NOX4: variants seen among roughly 807,000 people sequenced by gnomAD.
NOX4 encodes the protein NADPH oxidase 4, also known as kidney oxidase-1.
In NOX4, 69 loss-of-function variants were observed where a neutral mutation model predicts 87.6. That is an observed-to-expected ratio of 0.79 (90% CI 0.65 to 0.96). The LOEUF (loss-of-function observed/expected upper bound fraction) is 0.96, where lower values mean the gene tolerates loss of function less well. Among genes scored for constraint, NOX4 ranks in the 40% least tolerant of loss-of-function variants. The probability of loss-of-function intolerance (pLI) is 0.00; values close to 1 mark genes in which losing one functional copy is unlikely to be tolerated. For synonymous variants in NOX4, 275 were observed against 238.2 expected, an observed-to-expected ratio of 1.15 and a Z score of -1.42; for missense variants, 680 against 681.5, an observed-to-expected ratio of 1.00 and a Z score of 0.02.
At chr11:89,493,902 G>C (rs1410805828), upstream of NOX4, among the ~76,000 whole-genome samples, 2 of 152,024 alleles carry the variant, frequency 1.3e-5, no homozygotes, top group African/African-American at 4.8e-5. Context: ...TCACAGGCAT[G>C]TGCCAACCCG....
At chr11:89,398,780 A>G (rs571748911) in intron 11 of NOX4, among the ~76,000 whole-genome samples, 1 of 152,068 alleles carries the variant, frequency 6.6e-6, no homozygotes, top group South Asian at 2.1e-4. Context: ...AAAATGAATA[A>G]AGTCCAAATA....
chr11:89,498,533 C>T (rs967593948), upstream of NOX4, among the ~76,000 whole-genome samples: 10 of 152,082 alleles, frequency 6.6e-5, no homozygotes, highest in Non-Finnish European at 1.2e-4. Flanking sequence ...AATTCACATA[C>T]GAATGAAAAT....
At chr11:89,500,229 T>A (rs970165652), upstream of NOX4, among the ~76,000 whole-genome samples, 3 of 152,156 alleles carry the variant, frequency 2.0e-5, no homozygotes, top group Admixed American at 1.3e-4. Context: ...TGTACCTTAT[T>A]CCTTTTTACC....
At chr11:89,403,135 G>T (rs1303727038) in intron 8 of NOX4, among the ~76,000 whole-genome samples, 3 of 152,072 alleles carry the variant, frequency 2.0e-5, no homozygotes, top group African/African-American at 4.8e-5. Flanking sequence ...CACATAAAAA[G>T]TTCAAAATAA....
chr11:89,566,133 A>T, the NOX4 span, among the ~76,000 whole-genome samples: 11,173 of 148,324 alleles, frequency 0.075, 574 homozygotes, highest in Non-Finnish European at 0.11. Flanking sequence ...AGCTCTGCCT[A>T]CCGGGTTCAC....
the NOX4 span, among the ~76,000 whole-genome samples, chr11:89,527,847 G>A: frequency 1.3e-5 from 2 of 152,136 alleles, no homozygotes; most frequent in Non-Finnish European, 2.9e-5. Flanking sequence ...CCCACACAGA[G>A]TCCACACTGG....
At chr11:89,491,076 T>C (rs1946832588) in intron 1 of NOX4, 114 bp downstream of exon 1, 1 of 1,071,884 alleles carries the variant, frequency 9.3e-7, no homozygotes, top group African/African-American at 1.6e-5. Context: ...TTGAGAATGT[T>C]CGAATTAAGA....
At chr11:89,372,006 T>C (rs562236757) in intron 12 of NOX4, among the ~76,000 whole-genome samples, 4 of 151,896 alleles carry the variant, frequency 2.6e-5, no homozygotes, top group Non-Finnish European at 5.9e-5. Context: ...TTTTTTTAAC[T>C]CTATGAAATA....
chr11:89,327,783 AC>A (rs1945282085), intron 17 of NOX4, among the ~76,000 whole-genome samples: 1 of 152,130 alleles, frequency 6.6e-6, no homozygotes, highest in African/African-American at 2.4e-5. Flanking sequence ...AGTTATTAAA[AC>A]TTTTTACCTT....
chr11:89,347,771 A>G (rs144809460), intron 13 of NOX4, among the ~76,000 whole-genome samples: 1 of 152,286 alleles, frequency 6.6e-6, no homozygotes, highest in African/African-American at 2.4e-5. Context: ...CTGATCTTCC[A>G]TATTACTATT....
At chr11:89,585,672 T>G in the NOX4 span, among the ~76,000 whole-genome samples, 2 of 152,174 alleles carry the variant, frequency 1.3e-5, no homozygotes, top group African/African-American at 2.4e-5. Flanking sequence ...AGCCCCTGCT[T>G]TACAGTAGAG....
At chr11:89,539,484 A>G in the NOX4 span, among the ~76,000 whole-genome samples, 10 of 152,046 alleles carry the variant, frequency 6.6e-5, no homozygotes, top group Non-Finnish European at 1.5e-4. Flanking sequence ...TAAGCCACCA[A>G]GTTTATGGGA....
chr11:89,344,656 G>A (rs1336128583), intron 13 of NOX4, among the ~76,000 whole-genome samples: 1 of 152,060 alleles, frequency 6.6e-6, no homozygotes, highest in African/African-American at 2.4e-5. Flanking sequence ...ATCCAAGGTT[G>A]GTACTGAATG....
At chr11:89,581,488 C>T in the NOX4 span, among the ~76,000 whole-genome samples, 6 of 152,112 alleles carry the variant, frequency 3.9e-5, no homozygotes, top group African/African-American at 1.4e-4. Flanking sequence ...TTCTTAAACA[C>T]TTTTAATATA....
intron 5 of NOX4, among the ~76,000 whole-genome samples, chr11:89,441,495 C>T (rs1218392644): frequency 1.3e-5 from 2 of 152,078 alleles, no homozygotes; most frequent in African/African-American, 4.8e-5. Context: ...AAGAAGGAAA[C>T]GATTGATATA....
At chr11:89,559,865 T>C in the NOX4 span, among the ~76,000 whole-genome samples, 3 of 152,192 alleles carry the variant, frequency 2.0e-5, no homozygotes, top group East Asian at 5.8e-4. Flanking sequence ...ATGAGAAGTC[T>C]CTGAATTGAG....
intron 13 of NOX4, among the ~76,000 whole-genome samples, chr11:89,352,164 G>C (rs1946486526): frequency 6.6e-6 from 1 of 152,106 alleles, no homozygotes; most frequent in Non-Finnish European, 1.5e-5. Context: ...TGCATACAAT[G>C]TATGTTATTC....
chr11:89,528,030 C>T, the NOX4 span, among the ~76,000 whole-genome samples: 1,150 of 152,308 alleles, frequency 7.6e-3, 15 homozygotes, highest in African/African-American at 0.026. Context: ...GATGAAGCTG[C>T]CCAAGACCAT....
rs545903395 is a variant in NOX4, at chr11:89,451,817, T to C, written c.232A>G (p.Thr78Ala). ...CSLILLPMCR[T>A]LLAYLRGSQK... ...GATCCTCGGAGGTAAGCCAAGAGTGTTCGGCACATGGGTAAAAGGATAAGG... is the reference window on the plus strand; with the variant it reads ...GATCCTCGGAGGTAAGCCAAGAGTGCTCGGCACATGGGTAAAAGGATAAGG... The change falls in exon 3 of 18, where the codon ACA (threonine) becomes GCA (alanine). Residue 78 changes from threonine to alanine, a missense_variant. By Grantham distance (58) the Thr-to-Ala change is moderately conservative. Coordinates refer to ENST00000263317, the MANE Select transcript of NOX4 (RefSeq NM_016931.5). 9.3e-6 allele frequency: 15 copies of C among 1,613,350 alleles called. No individual in the cohort carries two copies. The highest frequency in any genetic ancestry group is 1.7e-4 in the Middle Eastern group (1 of 6,054).
Sources: gnomAD v4.1 joint callset for allele counts (sites outside exome capture counted in the v4.1 genomes callset) on GRCh38, gnomAD v4.1.1 for gene constraint, MANE v1.5 for transcripts, NCBI Gene and HGNC (gene_info 2026-07-23, HGNC 2026-07-21) for gene names.